COL18A1: variants seen among roughly 807,000 people sequenced by gnomAD.
COL18A1 encodes collagen alpha-1(XVIII) chain.
COL18A1 carries 133 observed loss-of-function variants against 168.0 expected under a neutral mutation model. The ratio of observed to expected loss-of-function variants is 0.79; its 90% CI spans 0.69 to 0.91. The LOEUF (loss-of-function observed/expected upper bound fraction) is 0.91. Ranked by LOEUF, COL18A1 falls within the 40% of genes least tolerant of loss-of-function variation. The pLI, the probability that COL18A1 is intolerant of heterozygous loss-of-function variation, is 0.00. For synonymous variants in COL18A1, 949 were observed against 809.0 expected (o/e 1.17, Z -2.94); for missense variants, 2,126 against 1,925.4 (o/e 1.10, Z -1.95).
Position 45,491,305 on chromosome 21 carries a change from G to A in COL18A1, c.2148G>A (p.Ser716=), listed in dbSNP as rs374522196. The change falls in exon 22 of 42, where the codon TCG becomes TCA. Residue 716 remains serine (S), a synonymous_variant. Transcript: ENST00000651438. ...CCCCGGGACCTGTGGTCTACGTGTCGGAGCAGGACGTAAGGACGCTGCGTG... is the reference window on the plus strand; with the variant it reads ...CCCCGGGACCTGTGGTCTACGTGTCAGAGCAGGACGTAAGGACGCTGCGTG... The part of the protein sequence containing the change: ...PGPPGPVVYV[S]EQDGSVLSVP... 63 of 1,611,344 alleles carry A rather than the reference G, an allele frequency of 3.9e-5. No homozygotes were observed. Among genetic ancestry groups the A allele is most frequent in the African/African-American group, 1.6e-4 (12 of 74,872 alleles).
At chr21:45,470,590 G>A (rs1398323624) in intron 3 of COL18A1, among the ~76,000 whole-genome samples, 4 of 150,800 alleles carry the variant, frequency 2.7e-5, no homozygotes, top group Admixed American at 6.6e-5. Context: ...AGGTTCATGC[G>A]ATTCTTCTGC....
At chr21:45,512,158 G>A (rs1371587111) in intron 41 of COL18A1, 30 bp from the exon 42 acceptor site, 2 of 1,597,614 alleles carry the variant, frequency 1.3e-6, no homozygotes, top group Non-Finnish European at 1.7e-6. Context: ...GCAGGTCTGG[G>A]TTTGACTGAC....
In COL18A1 at chr21:45,505,167, G is replaced by A. The variant is rs750662609; in HGVS notation, c.2902G>A (p.Gly968Ser). The change falls in exon 35 of 42, where the codon GGC (glycine) becomes AGC (serine). Residue 968 changes from glycine to serine, a missense_variant. By Grantham distance (56) the Gly-to-Ser change is moderately conservative (BLOSUM62 0). Coordinates refer to ENST00000651438, the MANE Select transcript of COL18A1 (RefSeq NM_001379500.1). ...GGGAGAGAGCATCCGGGGCCAGCCC[G>A]GCCCACCTGGACCTCAGGGACCCCC... Reference protein sequence around the residue: ...PKGESIRGQPGPPGPQGPPGI... With the variant: ...PKGESIRGQPSPPGPQGPPGI... 2.4e-5 allele frequency: 38 copies of A among 1,607,420 alleles called. No homozygotes were observed. Among genetic ancestry groups the A allele is most frequent in the Non-Finnish European group, 3.0e-5 (35 of 1,177,930 alleles).
chr21:45,415,593 C>T (rs561002093), intron 2 of COL18A1, among the ~76,000 whole-genome samples: 16 of 152,292 alleles, frequency 1.1e-4, no homozygotes, highest in African/African-American at 2.9e-4. Flanking sequence ...GAGTTGAGAG[C>T]GGGGGTGCGG....
chr21:45,460,467 C>T (rs1335757198), intron 2 of COL18A1, among the ~76,000 whole-genome samples: 2 of 152,202 alleles, frequency 1.3e-5, no homozygotes, highest in Non-Finnish European at 2.9e-5. Flanking sequence ...CATCACTGGA[C>T]ATTCGGAGGT....
Position 45,468,462 on chromosome 21 carries a change from C to T in COL18A1, c.327C>T (p.Phe109=), listed in dbSNP as rs564820524. 6.8e-6 allele frequency: 11 copies of T among 1,613,964 alleles called. No individual in the cohort carries two copies. Among genetic ancestry groups the T allele is most frequent in the South Asian group, 4.4e-5 (4 of 91,092 alleles). The change falls in exon 3 of 42, where the codon TTC becomes TTT. Residue 109 remains phenylalanine, a synonymous_variant. Transcript: ENST00000651438. ...RPATEGPGVL[F]AITDSAQAMV... ...CCACAGAGGGCCCAGGGGTGCTGTT[C>T]GCCATCACGGACTCGGCGCAGGCCA...
intron 2 of COL18A1, among the ~76,000 whole-genome samples, chr21:45,418,907 G>A (rs377515653): frequency 3.3e-5 from 5 of 152,230 alleles, no homozygotes; most frequent in Admixed American, 1.3e-4. Context: ...CCCCCCGGAC[G>A]GCTTGCAGGC....
chr21:45,422,792 CT>C (rs200093729), intron 2 of COL18A1: 13,689 of 182,434 alleles, frequency 0.075, 405 homozygotes, highest in East Asian at 0.21. Flanking sequence ...GTCCAAGTGG[CT>C]TTTTTTTTTT....
At chr21:45,431,466 G>A (rs1602366863) in intron 2 of COL18A1, among the ~76,000 whole-genome samples, 1 of 106,238 alleles carries the variant, frequency 9.4e-6, no homozygotes, top group Non-Finnish European at 1.8e-5. Flanking sequence ...AGGGGGGCAG[G>A]CAGGACCCGG....
At chr21:45,424,575 T>C (rs958530414) in intron 2 of COL18A1, 2 of 152,350 alleles carry the variant, frequency 1.3e-5, no homozygotes, top group African/African-American at 4.8e-5. Flanking sequence ...ACCTGACCAG[T>C]GGAGAACTCG....
intron 26 of COL18A1, chr21:45,494,076 G>A (rs55796097): frequency 0.06 from 17,471 of 292,918 alleles, 754 homozygotes; most frequent in Non-Finnish European, 0.085. Flanking sequence ...TGGATCTTTG[G>A]AGTGTGGGCC....
intron 22 of COL18A1, among the ~76,000 whole-genome samples, chr21:45,491,828 C>A (rs1425578673): frequency 1.3e-5 from 2 of 152,218 alleles, no homozygotes; most frequent in Admixed American, 6.5e-5. Flanking sequence ...CTCCGCCCAG[C>A]CACATGGAAC....
Position 45,480,790 on chromosome 21 carries a change from G to A in COL18A1, c.1543G>A (p.Val515Ile), listed in dbSNP as rs1308231024. Residue 515 changes from valine to isoleucine, a missense_variant, in exon 13 of 42, where the codon GTC (valine) becomes ATC (isoleucine). Val to Ile is a conservative substitution (Grantham distance 29, BLOSUM62 3). Transcript: ENST00000651438. ...PGRFGVNSSD[V>I]PGPAGLPGVP... ...CCGCTTTGGGGTGAACAGCTCCGAC[G>A]TCCCAGGACCCGCCGGCCTTCCTGG... is the stretch of plus-strand genomic sequence containing the variant. The A allele has an allele frequency of 3.7e-6, 6 of 1,611,286 alleles. No individual in the cohort carries two copies. The highest frequency in any genetic ancestry group is 4.2e-6 in the Non-Finnish European group (5 of 1,179,794).
intron 13 of COL18A1, 127 bp downstream of exon 13, chr21:45,480,985 C>A: frequency 7.3e-7 from 1 of 1,379,306 alleles, no homozygotes; most frequent in Non-Finnish European, 9.9e-7. Flanking sequence ...CTCATCTCCT[C>A]TAGGAGCTGG....
In COL18A1 at chr21:45,510,261, G is replaced by C; in HGVS notation, c.3693G>C (p.Lys1231Asn). 1 of 1,603,028 alleles carries C rather than the reference G, an allele frequency of 6.2e-7. No homozygotes were observed. The highest frequency in any genetic ancestry group is 8.5e-7 in the Non-Finnish European group (1 of 1,175,606). ...DRAAVPIVNL[K>N]DELLFPSWEA... ...CAGCCGTGCCCATCGTCAACCTCAA[G>C]GTGGGTCAGTCCAGTCCTGAGGGCG... Residue 1231 changes from lysine (K) to asparagine (N), a missense_variant and splice_region_variant, in exon 40 of 42, where the codon AAG becomes AAC. Lys to Asn is a moderately conservative substitution (Grantham distance 94, BLOSUM62 0). Coordinates refer to ENST00000651438, the MANE Select transcript of COL18A1 (RefSeq NM_001379500.1).
At chr21:45,418,867 AG>A (rs2033534996) in intron 2 of COL18A1, among the ~76,000 whole-genome samples, 2 of 152,086 alleles carry the variant, frequency 1.3e-5, no homozygotes, top group Admixed American at 6.5e-5. Context: ...CACCCTCTAG[AG>A]GGGCTTGTGT....
intron 2 of COL18A1, chr21:45,422,792 CTT>C (rs200093729): frequency 1.1e-3 from 199 of 184,786 alleles, no homozygotes; most frequent in Middle Eastern, 4.3e-3. Context: ...GTCCAAGTGG[CTT>C]TTTTTTTTTT....
intron 16 of COL18A1, among the ~76,000 whole-genome samples, 168 bp downstream of exon 16, chr21:45,487,160 G>A (rs555523471): frequency 3.9e-5 from 6 of 152,292 alleles, no homozygotes; most frequent in Admixed American, 2.0e-4. Flanking sequence ...CGAGTCTCTC[G>A]CCCGTCGCCC....
At chr21:45,493,853 G>A (rs1481166016) in intron 26 of COL18A1, 9 of 498,566 alleles carry the variant, frequency 1.8e-5, no homozygotes, top group Middle Eastern at 5.5e-4. Flanking sequence ...CTGAGCTCGC[G>A]CCTCCCTGGG....
Sources: gnomAD v4.1 joint callset for allele counts (sites outside exome capture counted in the v4.1 genomes callset) on GRCh38, gnomAD v4.1.1 for gene constraint, MANE v1.5 for transcripts, NCBI Gene and HGNC (gene_info 2026-07-23, HGNC 2026-07-21) for gene names.